Variants in KCNK2 observed in about 807,000 individuals in gnomAD.
KCNK2 encodes potassium two pore domain channel subfamily K member 2, also known as potassium channel subfamily K member 2.
KCNK2 carries 21 observed loss-of-function variants against 40.5 expected under a neutral mutation model. That is an observed-to-expected ratio of 0.52 (90% CI 0.37 to 0.75). KCNK2 has a LOEUF of 0.75. Ranked by LOEUF, KCNK2 falls within the 30% of genes least tolerant of loss-of-function variation. The pLI is 0.00. For synonymous variants in KCNK2, 191 were observed against 202.2 expected (o/e 0.94, Z 0.47); for missense variants, 399 against 531.6 (o/e 0.75, Z 2.45).
intron 1 of KCNK2, among the ~76,000 whole-genome samples, chr1:215,017,304 G>A (rs888107586): frequency 6.6e-6 from 1 of 152,090 alleles, no homozygotes; most frequent in African/African-American, 2.4e-5. Context: ...GTTTACTGCA[G>A]CACTATTCAT....
At chr1:215,045,882 T>A (rs551502110) in intron 1 of KCNK2, among the ~76,000 whole-genome samples, 1 of 152,290 alleles carries the variant, frequency 6.6e-6, no homozygotes, top group South Asian at 2.1e-4. Context: ...GATGCTAATA[T>A]CAGTACAGTC....
chr1:215,009,105 G>A (rs995959185), intron 1 of KCNK2, among the ~76,000 whole-genome samples: 15 of 151,856 alleles, frequency 9.9e-5, no homozygotes, highest in Admixed American at 7.9e-4. Flanking sequence ...TTTTTTGAAA[G>A]TTTAAGGGCT....
In KCNK2 at chr1:215,209,453, T is replaced by TTATATATAA. The variant is rs1571731868; in HGVS notation, c.963+14368_963+14369insAATATATAT. 2.4e-3 allele frequency among the ~76,000 whole-genome samples: 28 copies of TTATATATAA among 11,902 alleles called. 2 individuals carry two copies. The highest frequency in any genetic ancestry group is 0.02 in the Admixed American group (12 of 586). The allele number at this position is 11,902 out of a possible 152,430, so 7.8% of individuals were successfully genotyped here. A position where few individuals can be genotyped will look rare whatever the true frequency, so the allele number is the denominator to read the frequency against. ...TATAATATAAAATATATAATATATA[T>TTATATATAA]TATATATTATATATAATATATATTA... On this transcript the variant is annotated intron_variant, in intron 6 of 6. Transcript: ENST00000444842.
rs76427509 is a variant in KCNK2, at chr1:215,227,654, G to A, written c.964-7174G>A. Among the ~76,000 whole-genome samples the A allele has an allele frequency of 5.9e-3, 897 of 152,230 alleles. 20 individuals are homozygous for A. The South Asian group carries it at 0.064, about 11-fold the overall frequency. ...CATTACAGGGCAATTTGGCGGCTGC[G>A]TGGAGAATGCATTTGAGGGGATAGG... On this transcript the variant is annotated intron_variant, in intron 6 of 6. Transcript: ENST00000444842.
At position 215,229,233 on chromosome 1, in the gene KCNK2, T is replaced by A. The variant is rs987563900; in HGVS notation, c.964-5595T>A. Among the ~76,000 whole-genome samples the A allele has an allele frequency of 3.3e-5, 5 of 149,774 alleles. No individual in the cohort carries two copies. In the Admixed American group the frequency reaches 3.3e-4, roughly 10 times the overall value. ...TTTTTTTTTTTTTTTTGAATGTGAA[T>A]GATTAATTCTTTCTTGCCTTGGTTT... On this transcript the variant is annotated intron_variant, in intron 6 of 6. Coordinates refer to ENST00000444842, the MANE Select transcript of KCNK2 (RefSeq NM_001017425.3).
intron 2 of KCNK2, among the ~76,000 whole-genome samples, chr1:215,104,320 C>G (rs1660342753): frequency 6.6e-6 from 1 of 152,012 alleles, no homozygotes; most frequent in African/African-American, 2.4e-5. Flanking sequence ...CCTAATGTCC[C>G]CTTTTTACTT....
chr1:215,025,689 G>A (rs1656978357), intron 1 of KCNK2, among the ~76,000 whole-genome samples: 1 of 151,940 alleles, frequency 6.6e-6, no homozygotes, highest in African/African-American at 2.4e-5. Context: ...TTCTGAATCA[G>A]TAGTAACTTT....
chr1:215,056,615 C>CTTTTTTTTTTT (rs34925678), intron 1 of KCNK2, among the ~76,000 whole-genome samples: 4 of 103,984 alleles, frequency 3.8e-5, no homozygotes, highest in Non-Finnish European at 5.2e-5. Context: ...TGTGTCCACT[C>CTTTTTTTTTTT]TTTTTTTTTT....
At chr1:215,029,390 A>AT (rs35551944) in intron 1 of KCNK2, among the ~76,000 whole-genome samples, 127,311 of 148,970 alleles carry the variant, frequency 0.85, 55,507 homozygotes, top group East Asian at 1. Context: ...ATCTATTTGG[A>AT]TTTTTTTTTC....
intron 3 of KCNK2, among the ~76,000 whole-genome samples, chr1:215,131,368 A>G (rs1401297488): frequency 6.8e-6 from 1 of 147,020 alleles, no homozygotes; most frequent in African/African-American, 2.5e-5. Context: ...TATATATTAC[A>G]TATTAATTTT....
intron 5 of KCNK2, among the ~76,000 whole-genome samples, chr1:215,173,509 G>A (rs1039351009): frequency 3.3e-5 from 5 of 152,112 alleles, no homozygotes; most frequent in Admixed American, 2.6e-4. Flanking sequence ...TGGGTCAAAC[G>A]GTATGTCTAG....
At chr1:215,102,524 A>G (rs1007509568) in intron 2 of KCNK2, among the ~76,000 whole-genome samples, 2 of 152,038 alleles carry the variant, frequency 1.3e-5, no homozygotes, top group Non-Finnish European at 2.9e-5. Flanking sequence ...TTAATCTGTT[A>G]TTGAAGAAAG....
intron 1 of KCNK2, among the ~76,000 whole-genome samples, chr1:215,052,524 G>A (rs1658026122): frequency 6.6e-6 from 1 of 152,124 alleles, no homozygotes; most frequent in African/African-American, 2.4e-5. Flanking sequence ...TCTCAACAGG[G>A]GGTGATTTTC....
exon 1 of KCNK2, chr1:215,005,881 A>G (rs1286328704): frequency 6.2e-7 from 1 of 1,600,546 alleles, no homozygotes; most frequent in African/African-American, 1.3e-5. Context: ...AACGGCATTA[A>G]AGATCAAAAG....
chr1:215,188,123 T>A (rs920152952), intron 5 of KCNK2, among the ~76,000 whole-genome samples: 14 of 152,186 alleles, frequency 9.2e-5, no homozygotes, highest in Non-Finnish European at 1.8e-4. Flanking sequence ...AAATACATCA[T>A]CATGGAATTC....
chr1:215,014,499 G>C (rs1423737021), intron 1 of KCNK2, among the ~76,000 whole-genome samples: 2 of 151,832 alleles, frequency 1.3e-5, no homozygotes, highest in African/African-American at 4.8e-5. Flanking sequence ...AATTAACAGA[G>C]AGAAATTAGT....
intron 2 of KCNK2, among the ~76,000 whole-genome samples, chr1:215,087,476 G>A (rs1172987262): frequency 6.6e-6 from 1 of 152,182 alleles, no homozygotes; most frequent in African/African-American, 2.4e-5. Context: ...CAGTATTCTG[G>A]TTTTTGTAGA....
chr1:215,165,040 G>C (rs2102629003), intron 3 of KCNK2, among the ~76,000 whole-genome samples: 1 of 152,268 alleles, frequency 6.6e-6, no homozygotes, highest in South Asian at 2.1e-4. Flanking sequence ...TTACAACTTT[G>C]TATCATAAGG....
intron 2 of KCNK2, among the ~76,000 whole-genome samples, chr1:215,087,591 T>C (rs912577153): frequency 6.6e-6 from 1 of 152,238 alleles, no homozygotes; most frequent in African/African-American, 2.4e-5. Context: ...TTGAAAATGT[T>C]TTAATTGTAT....
Sources: allele counts gnomAD v4.1 joint callset (sites outside exome capture counted in the v4.1 genomes callset), GRCh38; gene constraint gnomAD v4.1.1; transcripts MANE v1.5; gene names NCBI Gene and HGNC (gene_info 2026-07-23, HGNC 2026-07-21).